Variants in SIPA1L1 observed in about 807,000 individuals in gnomAD.
SIPA1L1 encodes signal induced proliferation associated 1 like 1, also known as signal-induced proliferation-associated 1-like protein 1.
SIPA1L1 carries 26 observed loss-of-function variants against 162.7 expected under a neutral mutation model. That is an observed-to-expected ratio of 0.16 (90% CI 0.12 to 0.22). The LOEUF (loss-of-function observed/expected upper bound fraction) is 0.22. SIPA1L1 is among the 10% of genes least tolerant of loss of function. The pLI is 1.00. For missense variants in SIPA1L1, 1,874 were observed against 2,241.0 expected (o/e 0.84, Z 3.31); for synonymous variants, 829 against 837.4 (o/e 0.99, Z 0.17).
chr14:71,512,645 T>C (rs1420135387), intron 2 of SIPA1L1, 98 bp from the exon 3 acceptor site: 7 of 132,018 alleles, frequency 5.3e-5, no homozygotes, highest in African/African-American at 2.0e-4. Flanking sequence ...AATGCCATCT[T>C]TTGTGTGTGG....
chr14:71,670,689 T>C (rs906508303), intron 10 of SIPA1L1, among the ~76,000 whole-genome samples: 2 of 152,234 alleles, frequency 1.3e-5, no homozygotes, highest in Admixed American at 1.3e-4. Flanking sequence ...ATATCTAAAA[T>C]GGAGAACACA....
At chr14:71,453,996 CAAAAAAAAAAA>C (rs751420064) in intron 2 of SIPA1L1, among the ~76,000 whole-genome samples, 8 of 76,530 alleles carry the variant, frequency 1.0e-4, no homozygotes, top group Admixed American at 1.8e-4. Context: ...GAGATTGTTT[CAAAAAAAAAAA>C]AAAAAAAAAA....
At chr14:71,483,584 T>A (rs922074483) in intron 2 of SIPA1L1, among the ~76,000 whole-genome samples, 6 of 152,174 alleles carry the variant, frequency 3.9e-5, no homozygotes, top group African/African-American at 1.4e-4. Flanking sequence ...GTTTAAAATT[T>A]GAGTTATGTT....
chr14:71,702,646 T>C, intron 15 of SIPA1L1, 141 bp downstream of exon 15: 1 of 769,372 alleles, frequency 1.3e-6, no homozygotes, highest in Non-Finnish European at 2.0e-6. Context: ...TGTTAGATTA[T>C]GTATAAGTGA....
chr14:71,542,670 C>G (rs1399667749), intron 4 of SIPA1L1, among the ~76,000 whole-genome samples: 1 of 126,076 alleles, frequency 7.9e-6, no homozygotes, highest in African/African-American at 3.0e-5. Flanking sequence ...CTCCTCCCTC[C>G]TCCTCCTCCT....
chr14:71,357,060 T>A (rs1336270950), intron 2 of SIPA1L1, among the ~76,000 whole-genome samples: 1 of 151,994 alleles, frequency 6.6e-6, no homozygotes, highest in Non-Finnish European at 1.5e-5. Flanking sequence ...TTTAAAAAAA[T>A]TTTATGTGTT....
intron 2 of SIPA1L1, among the ~76,000 whole-genome samples, chr14:71,407,673 A>G (rs753790643): frequency 4.6e-5 from 7 of 152,088 alleles, no homozygotes; most frequent in Non-Finnish European, 8.8e-5. Flanking sequence ...CACCTGCCTA[A>G]TTTATGTTTT....
At chr14:71,419,059 C>T (rs1260540876) in intron 2 of SIPA1L1, among the ~76,000 whole-genome samples, 1 of 152,132 alleles carries the variant, frequency 6.6e-6, no homozygotes, top group Non-Finnish European at 1.5e-5. Flanking sequence ...TGATATCAGC[C>T]TCTCAGAGCA....
intron 7 of SIPA1L1, among the ~76,000 whole-genome samples, chr14:71,637,028 G>A (rs1433375300): frequency 6.7e-6 from 1 of 148,424 alleles, no homozygotes; most frequent in Non-Finnish European, 1.5e-5. Context: ...TCCAGCCTGA[G>A]TGACAGAATG....
At chr14:71,643,803 T>G (rs1048609131) in intron 7 of SIPA1L1, among the ~76,000 whole-genome samples, 2 of 152,186 alleles carry the variant, frequency 1.3e-5, no homozygotes, top group Admixed American at 6.5e-5. Context: ...GTGGTAGTTT[T>G]TGTGTGTGTG....
At position 71,589,079 on chromosome 14, in the gene SIPA1L1, G is replaced by A. The variant is rs1480353102; in HGVS notation, c.1207G>A (p.Gly403Arg). The A allele has an allele frequency of 1.9e-6, 3 of 1,614,126 alleles. No individual in the cohort carries two copies. The highest frequency in any genetic ancestry group is 2.5e-6 in the Non-Finnish European group (3 of 1,179,994). Reference sequence around the variant, plus strand: ...CAAAGGAAGCCTCAGCATGGACCAGGGAGATGATAAAAGCAATGAGCTTGT... The same window carrying A: ...CAAAGGAAGCCTCAGCATGGACCAGAGAGATGATAAAAGCAATGAGCTTGT... Reference protein sequence around the residue: ...NSKGSLSMDQGDDKSNELVMS... With the variant: ...NSKGSLSMDQRDDKSNELVMS... Residue 403 changes from glycine to arginine, a missense_variant, in exon 5 of 24, where the codon GGA (glycine) becomes AGA (arginine). By Grantham distance (125) the Gly-to-Arg change is moderately radical. This residue lies in a region of SIPA1L1 where 685 missense variants were observed against 828.0 expected (regional missense o/e 0.83). Transcript: ENST00000381232.
At chr14:71,647,983 T>A (rs2042315915) in intron 7 of SIPA1L1, among the ~76,000 whole-genome samples, 2 of 152,162 alleles carry the variant, frequency 1.3e-5, no homozygotes, top group Non-Finnish European at 2.9e-5. Flanking sequence ...TAGGTCAGAT[T>A]GTATGCTGTT....
chr14:71,703,569 T>C (rs2082237905), intron 15 of SIPA1L1, among the ~76,000 whole-genome samples: 1 of 152,210 alleles, frequency 6.6e-6, no homozygotes, highest in Admixed American at 6.5e-5. Flanking sequence ...TACCCACCCC[T>C]ACACAGAAAA....
At chr14:71,571,742 C>T (rs1174228946) in intron 4 of SIPA1L1, among the ~76,000 whole-genome samples, 2 of 151,810 alleles carry the variant, frequency 1.3e-5, no homozygotes, top group African/African-American at 4.8e-5. Flanking sequence ...CCCGGGTTCA[C>T]ACCATTCTCC....
chr14:71,397,750 T>C (rs577562952), intron 2 of SIPA1L1, among the ~76,000 whole-genome samples: 1 of 152,290 alleles, frequency 6.6e-6, no homozygotes, highest in African/African-American at 2.4e-5. Flanking sequence ...TGGTTGTTAG[T>C]GGAGTAGTGC....
intron 2 of SIPA1L1, among the ~76,000 whole-genome samples, chr14:71,444,930 G>A (rs140348240): frequency 1.4e-4 from 21 of 152,328 alleles, no homozygotes; most frequent in African/African-American, 4.8e-4. Flanking sequence ...GCCTAGAAGA[G>A]ACAGTTCCTA....
intron 17 of SIPA1L1, among the ~76,000 whole-genome samples, chr14:71,716,037 A>G (rs117096998): frequency 1.0e-3 from 153 of 152,312 alleles, no homozygotes; most frequent in Admixed American, 2.0e-3. Context: ...GTATGTATTA[A>G]TATGCCCTTA....
chr14:71,676,339 C>G (rs1157748630), intron 12 of SIPA1L1, among the ~76,000 whole-genome samples: 1 of 151,838 alleles, frequency 6.6e-6, no homozygotes, highest in Non-Finnish European at 1.5e-5. Context: ...ACAAGGCTCT[C>G]TTCCCTGTTC....
chr14:71,656,314 G>A (rs944241990), intron 8 of SIPA1L1, among the ~76,000 whole-genome samples: 1 of 148,674 alleles, frequency 6.7e-6, no homozygotes, highest in Non-Finnish European at 1.5e-5. Context: ...AAAGCACAGT[G>A]TAATAAATGA....
Sources: gnomAD v4.1 joint callset for allele counts (sites outside exome capture counted in the v4.1 genomes callset) on GRCh38, gnomAD v4.1.1 for gene constraint, gnomAD v4.1.1 regional missense constraint, MANE v1.5 for transcripts, NCBI Gene and HGNC (gene_info 2026-07-23, HGNC 2026-07-21) for gene names.